The following TTC13 variants were observed in gnomAD, a reference collection of about 807,000 sequenced individuals.
TTC13 encodes the protein tetratricopeptide repeat protein 13.
Under a neutral mutation model 120.0 loss-of-function variants are expected in TTC13, and 62 were observed. The observed-to-expected ratio is 0.52, with a 90% confidence interval of 0.42 to 0.64. The LOEUF is 0.64. Among genes scored for constraint, TTC13 ranks in the 30% least tolerant of loss-of-function variants. TTC13 has a pLI of 0.00. For synonymous variants in TTC13, 384 were observed against 393.5 expected (o/e 0.98, Z 0.28); for missense variants, 824 against 1,050.2 (o/e 0.78, Z 2.98).
chr1:230,917,434 A>G (rs913536109), intron 17 of TTC13, among the ~76,000 whole-genome samples: 8 of 152,158 alleles, frequency 5.3e-5, no homozygotes, highest in African/African-American at 1.9e-4. Flanking sequence ...GGGCGCTGAC[A>G]TACACGTTAA....
chr1:230,916,749 A>T lies in TTC13; in HGVS notation c.1984-447T>A, dbSNP rs1352903798. Among the ~76,000 whole-genome samples the T allele has an allele frequency of 2.6e-5, 4 of 152,322 alleles. No homozygotes were observed. The East Asian group carries it at 5.8e-4, about 22-fold the overall frequency. Reference sequence around the variant, plus strand: ...TTTTCTGAAGAGTACCCAGGATTATATCCACTAACTGGAGAACTTCATTCA... The same window carrying T: ...TTTTCTGAAGAGTACCCAGGATTATTTCCACTAACTGGAGAACTTCATTCA... On this transcript the variant is annotated intron_variant, in intron 17 of 22. Coordinates refer to ENST00000366661, the MANE Select transcript of TTC13 (RefSeq NM_024525.5).
intron 1 of TTC13, among the ~76,000 whole-genome samples, chr1:230,963,729 G>A (rs149882619): frequency 3.9e-5 from 6 of 152,148 alleles, no homozygotes; most frequent in African/African-American, 9.6e-5. Context: ...GGGGTATTCC[G>A]GATAGGACGA....
In TTC13 at chr1:230,969,046, G is replaced by A. The variant is rs189465101; in HGVS notation, c.272-7743C>T. ...TCCCAGCACTTTGGGAGGCTGAGGT[G>A]GGCGGATCACGAGGTCAGGAGATCG... is the stretch of plus-strand genomic sequence containing the variant. On this transcript the variant is annotated intron_variant, in intron 1 of 22. Coordinates refer to ENST00000366661, the MANE Select transcript of TTC13 (RefSeq NM_024525.5). Among the ~76,000 whole-genome samples the A allele has an allele frequency of 1.7e-3, 255 of 152,214 alleles. 2 individuals are homozygous for A. Among genetic ancestry groups the A allele is most frequent in the African/African-American group, 5.6e-3 (231 of 41,536 alleles).
chr1:230,917,097 G>C (rs933238192), intron 17 of TTC13, among the ~76,000 whole-genome samples: 1 of 152,238 alleles, frequency 6.6e-6, no homozygotes, highest in Non-Finnish European at 1.5e-5. Flanking sequence ...AGATGCACCA[G>C]GTGTCACCAG....
intron 13 of TTC13, 71 bp downstream of exon 13, chr1:230,925,446 G>A: frequency 6.5e-7 from 1 of 1,528,416 alleles, no homozygotes; most frequent in Non-Finnish European, 9.0e-7. Flanking sequence ...TTATTAAAAT[G>A]CACAACATGG....
At chr1:230,956,200 C>A (rs962599520) in intron 3 of TTC13, among the ~76,000 whole-genome samples, 1 of 152,258 alleles carries the variant, frequency 6.6e-6, no homozygotes, top group African/African-American at 2.4e-5. Flanking sequence ...AGCAAGCTGC[C>A]TGGCTCCAGA....
chr1:230,920,329 C>T, intron 17 of TTC13, 181 bp downstream of exon 17: 1 of 435,876 alleles, frequency 2.3e-6, no homozygotes, highest in South Asian at 3.9e-5. Context: ...TGCTTCCTCA[C>T]AAGTTGTTTT....
At chr1:230,932,973 CT>C (rs916449766) in intron 9 of TTC13, among the ~76,000 whole-genome samples, 4 of 151,560 alleles carry the variant, frequency 2.6e-5, no homozygotes, top group Non-Finnish European at 5.9e-5. Context: ...ACACAATATA[CT>C]TTTTTTTTCC....
intron 1 of TTC13, among the ~76,000 whole-genome samples, chr1:230,974,904 T>C (rs1169485083): frequency 6.6e-6 from 1 of 152,268 alleles, no homozygotes; most frequent in African/African-American, 2.4e-5. Context: ...TTTAAGAATA[T>C]AACTTTCAAC....
At chr1:230,921,387 C>T (rs752432511) in intron 16 of TTC13, 34 bp downstream of exon 16, 2 of 1,188,880 alleles carry the variant, frequency 1.7e-6, no homozygotes, top group East Asian at 2.5e-5. Flanking sequence ...ATGAAATCAA[C>T]TCATTACTAA....
Position 230,924,336 on chromosome 1 carries a change from T to G in TTC13, c.1722-403A>C, listed in dbSNP as rs936385584. ...TGAAAATGTGACAACAATCAATTCG[T>G]TTTTTTTGTTTTTTGAGATGGAGTC... is the stretch of plus-strand genomic sequence containing the variant. On this transcript the variant is annotated intron_variant, in intron 14 of 22. Transcript: ENST00000366661. 4.0e-5 allele frequency among the ~76,000 whole-genome samples: 6 copies of G among 151,062 alleles called. 1 individual carries two copies. Among genetic ancestry groups the G allele is most frequent in the South Asian group, 4.2e-4 (2 of 4,798 alleles).
At chr1:230,969,628 G>T (rs1377839703) in intron 1 of TTC13, among the ~76,000 whole-genome samples, 2 of 152,166 alleles carry the variant, frequency 1.3e-5, no homozygotes, top group African/African-American at 4.8e-5. Context: ...TAATTAATTA[G>T]TTTGAAGGCA....
At chr1:230,939,005 C>A (rs1422026100) in intron 8 of TTC13, among the ~76,000 whole-genome samples, 1 of 152,176 alleles carries the variant, frequency 6.6e-6, no homozygotes, top group Non-Finnish European at 1.5e-5. Context: ...ACCTCCACCC[C>A]CTAATCCTAC....
chr1:230,955,278 G>A (rs1306664232), intron 3 of TTC13, among the ~76,000 whole-genome samples: 1 of 152,076 alleles, frequency 6.6e-6, no homozygotes, highest in Non-Finnish European at 1.5e-5. Context: ...AAGCTTTACT[G>A]CAATATCCTT....
At chr1:230,960,110 A>G (rs1676479291) in intron 2 of TTC13, among the ~76,000 whole-genome samples, 1 of 152,216 alleles carries the variant, frequency 6.6e-6, no homozygotes, top group Non-Finnish European at 1.5e-5. Context: ...ATTCCTAATA[A>G]TCACCTAGTG....
intron 1 of TTC13, among the ~76,000 whole-genome samples, chr1:230,972,230 G>T (rs1284616722): frequency 2.6e-5 from 4 of 152,200 alleles, no homozygotes; most frequent in Non-Finnish European, 4.4e-5. Flanking sequence ...TGAAACTAGG[G>T]TTAGCATGGA....
At chr1:230,941,513 G>A (rs573868909) in intron 6 of TTC13, among the ~76,000 whole-genome samples, 13 of 152,116 alleles carry the variant, frequency 8.5e-5, no homozygotes, top group Admixed American at 2.0e-4. Flanking sequence ...ACATTGACCA[G>A]GCTGGTCTTG....
chr1:230,911,669 A>G (rs961637795), intron 19 of TTC13, 120 bp from the exon 20 acceptor site: 1 of 577,942 alleles, frequency 1.7e-6, no homozygotes, highest in Non-Finnish European at 2.9e-6. Flanking sequence ...TTCCTCCCCC[A>G]TAAGAATCTA....
chr1:230,919,924 A>G (rs1202932803), intron 17 of TTC13, among the ~76,000 whole-genome samples: 1 of 152,170 alleles, frequency 6.6e-6, no homozygotes, highest in Non-Finnish European at 1.5e-5. Flanking sequence ...GTTCATGACC[A>G]AGGTCTTAGT....
Sources: allele counts gnomAD v4.1 joint callset (sites outside exome capture counted in the v4.1 genomes callset), GRCh38; gene constraint gnomAD v4.1.1; transcripts MANE v1.5; gene names NCBI Gene and HGNC (gene_info 2026-07-23, HGNC 2026-07-21).